Variants in CCDC57 observed in about 807,000 individuals in gnomAD.
CCDC57 encodes the protein coiled-coil domain containing 57.
Under a neutral mutation model 118.9 loss-of-function variants are expected in CCDC57, and 118 were observed. That is an observed-to-expected ratio of 0.99 (90% CI 0.86 to 1.16). CCDC57 has a LOEUF of 1.16. CCDC57 is among the 50% of genes most tolerant of loss of function. CCDC57 has a pLI of 0.00. For synonymous variants in CCDC57, 527 were observed against 532.9 expected (o/e 0.99, Z 0.15); for missense variants, 1,300 against 1,320.7 (o/e 0.98, Z 0.24).
chr17:82,113,173 A>G (rs7226049), intron 19 of CCDC57: 285,823 of 558,026 alleles, frequency 0.51, 77,871 homozygotes, highest in African/African-American at 0.61. Flanking sequence ...AGAAAGTTCC[A>G]AGACTGCCCT....
At chr17:82,166,916 A>G (rs2044059639) in intron 13 of CCDC57, among the ~76,000 whole-genome samples, 1 of 152,106 alleles carries the variant, frequency 6.6e-6, no homozygotes, top group Non-Finnish European at 1.5e-5. Flanking sequence ...GCCCTGTCTC[A>G]AAAACAACAA....
intron 19 of CCDC57, among the ~76,000 whole-genome samples, chr17:82,124,143 C>A (rs755433831): frequency 6.6e-6 from 1 of 152,120 alleles, no homozygotes; most frequent in African/African-American, 2.4e-5. Flanking sequence ...TCGTTACAGA[C>A]CCCAGAAAGA....
chr17:82,179,270 C>G (rs2045907196), intron 9 of CCDC57, 81 bp from the exon 9 acceptor site: 3 of 1,490,696 alleles, frequency 2.0e-6, no homozygotes, highest in Admixed American at 2.0e-5. Flanking sequence ...ATGGGAAAGG[C>G]AGGGCTGCCG....
Position 82,163,214 on chromosome 17 carries a change from G to A in CCDC57, c.2026C>T (p.Arg676Ter), listed in dbSNP as rs201336748. The change falls in exon 14 of 20, where the codon CGA (arginine) becomes TGA (stop). Residue 676 changes from arginine (R) to a stop codon, truncating the protein, a stop_gained. Coordinates refer to ENST00000665763, the Ensembl canonical transcript of CCDC57. LOFTEE classifies it high-confidence loss of function. ...GACTGCCTCACCTTCTGTCTGAGTCGTGTCACCAGCAGGTTTAGGAGCTGC... is the reference window on the plus strand; with the variant it reads ...GACTGCCTCACCTTCTGTCTGAGTCATGTCACCAGCAGGTTTAGGAGCTGC... 7.6e-5 allele frequency: 123 copies of A among 1,613,888 alleles called. No individual in the cohort carries two copies. The African/African-American group carries it at 1.0e-3, about 13-fold the overall frequency.
At chr17:82,199,477 C>CAAAAAAAAAAAAAAAAAAAAAAAAA (rs55713414) in intron 3 of CCDC57, among the ~76,000 whole-genome samples, 1 of 87,718 alleles carries the variant, frequency 1.1e-5, no homozygotes, top group Non-Finnish European at 2.2e-5. Context: ...GACTCTGTCT[C>CAAAAAAAAAAAAAAAAAAAAAAAAA]AAAAAAAAAA....
At chr17:82,189,840 T>C (rs1399987901) in intron 7 of CCDC57, among the ~76,000 whole-genome samples, 1 of 150,548 alleles carries the variant, frequency 6.6e-6, no homozygotes, top group African/African-American at 2.5e-5. Flanking sequence ...GGAGAAACTG[T>C]CTCTACTAAA....
chr17:82,139,210 ACT>A lies in CCDC57; in HGVS notation c.2456-5018_2456-5017del, dbSNP rs368528815. 5.3e-5 allele frequency among the ~76,000 whole-genome samples: 8 copies of A among 152,038 alleles called. No individual in the cohort carries two copies. In the East Asian group the frequency reaches 7.7e-4, roughly 15 times the overall value. On this transcript the variant is annotated intron_variant, in intron 16 of 19. Transcript: ENST00000665763. ...AACTTTGTCTAGAACTCTTTTTTGG[ACT>A]CTGTTTCCAGATGTCTACAGGACAA...
chr17:82,142,599 G>A (rs1041672516), intron 16 of CCDC57, among the ~76,000 whole-genome samples: 2 of 152,040 alleles, frequency 1.3e-5, no homozygotes, highest in African/African-American at 4.8e-5. Context: ...GGCGTGAGCC[G>A]CTATGCCCGG....
chr17:82,120,948 G>C (rs572553320), intron 19 of CCDC57, among the ~76,000 whole-genome samples: 1 of 152,108 alleles, frequency 6.6e-6, no homozygotes, highest in African/African-American at 2.4e-5. Context: ...GTAGAGACAG[G>C]GTTTCACCGT....
At chr17:82,179,103 C>A (rs200450321) in exon 10 of CCDC57, 2 of 1,613,956 alleles carry the variant, frequency 1.2e-6, no homozygotes, top group Non-Finnish European at 8.5e-7. Context: ...GTCATCACAG[C>A]GGCGCTGCCA....
intron 14 of CCDC57, among the ~76,000 whole-genome samples, 169 bp downstream of exon 13, chr17:82,163,031 G>C (rs1241066323): frequency 6.6e-6 from 1 of 152,172 alleles, no homozygotes; most frequent in Non-Finnish European, 1.5e-5. Context: ...GAGATGAACC[G>C]GTTCCTAGGA....
At chr17:82,187,956 C>T (rs2047179247) in intron 8 of CCDC57, among the ~76,000 whole-genome samples, 1 of 150,532 alleles carries the variant, frequency 6.6e-6, no homozygotes, top group Non-Finnish European at 1.5e-5. Flanking sequence ...TAAGAAATGG[C>T]TAAAATGGCT....
chr17:82,211,158 C>G (rs1471853149), intron 1 of CCDC57, among the ~76,000 whole-genome samples: 1 of 152,136 alleles, frequency 6.6e-6, no homozygotes, highest in Non-Finnish European at 1.5e-5. Context: ...GCCCCCAGGA[C>G]GTGACTAGCA....
chr17:82,134,762 C>T lies in CCDC57; in HGVS notation c.2456-568G>A, dbSNP rs184174487. Among the ~76,000 whole-genome samples, 835 of 151,200 alleles carry T rather than the reference C, an allele frequency of 5.5e-3. 5 individuals carry two copies. Among genetic ancestry groups the T allele is most frequent in the Non-Finnish European group, 8.3e-3 (565 of 67,906 alleles). On this transcript the variant is annotated intron_variant, in intron 16 of 19. Coordinates refer to ENST00000665763, the Ensembl canonical transcript of CCDC57. ...CGAGCCGAGATCATGCCACTGCACT[C>T]CATCCTGGGTAACTCCATCTCAAAA...
Position 82,196,597 on chromosome 17 carries a change from G to A in CCDC57, c.517-1233C>T, listed in dbSNP as rs1162994687. On this transcript the variant is annotated intron_variant, in intron 4 of 19. Coordinates refer to ENST00000665763, the Ensembl canonical transcript of CCDC57. ...TCCCAACATCCGACAGGACCAGAGA[G>A]GGGACCCTGTCACACCTGCACAAAG... Among the ~76,000 whole-genome samples the A allele has an allele frequency of 5.9e-5, 9 of 152,294 alleles. No homozygotes were observed. The South Asian group carries it at 1.2e-3, about 21-fold the overall frequency.
At chr17:82,210,397 C>T (rs922960624) in intron 1 of CCDC57, among the ~76,000 whole-genome samples, 2 of 151,908 alleles carry the variant, frequency 1.3e-5, no homozygotes, top group South Asian at 2.1e-4. Context: ...TCTTGCTGGG[C>T]GTTGTGGCTC....
chr17:82,138,350 C>G lies in CCDC57; in HGVS notation c.2456-4156G>C, dbSNP rs543129914. Among the ~76,000 whole-genome samples, 23 of 149,704 alleles carry G rather than the reference C, an allele frequency of 1.5e-4. No homozygotes were observed. In the East Asian group the frequency reaches 4.5e-3, roughly 29 times the overall value. On this transcript the variant is annotated intron_variant, in intron 16 of 19. Coordinates refer to ENST00000665763, the Ensembl canonical transcript of CCDC57. ...TTTTTAGTAGAGACAGGGTTTCACC[C>G]TGTTAGCCAGGATGGTCTCGATCTC...
chr17:82,188,188 A>T, intron 8 of CCDC57, 31 bp downstream of exon 7: 1 of 1,516,102 alleles, frequency 6.6e-7, no homozygotes, highest in East Asian at 2.5e-5. Flanking sequence ...CCCTGCCCTC[A>T]CCCTCTGGGT....
At chr17:82,141,005 A>G (rs1344596016) in intron 16 of CCDC57, among the ~76,000 whole-genome samples, 1 of 151,328 alleles carries the variant, frequency 6.6e-6, no homozygotes, top group Non-Finnish European at 1.5e-5. Flanking sequence ...ATTTATTATT[A>G]TTTATTTATT....
Sources: allele counts gnomAD v4.1 joint callset (sites outside exome capture counted in the v4.1 genomes callset), GRCh38; gene constraint gnomAD v4.1.1; transcripts MANE v1.5; gene names NCBI Gene and HGNC (gene_info 2026-07-23, HGNC 2026-07-21).